The following BLM variants were observed in gnomAD, a reference collection of about 807,000 sequenced individuals.
BLM encodes the protein recQ-like DNA helicase BLM.
Under a neutral mutation model 135.3 loss-of-function variants are expected in BLM, and 95 were observed. The observed-to-expected ratio is 0.70, with a 90% CI of 0.59 to 0.83. The LOEUF is 0.83. Ranked by LOEUF, BLM falls within the 40% of genes least tolerant of loss-of-function variation. The pLI is 0.00. For synonymous variants in BLM, 520 were observed against 589.2 expected (o/e 0.88, Z 1.70); for missense variants, 1,518 against 1,663.9 (o/e 0.91, Z 1.53).
chr15:90,758,254 G>T (rs540254780), intron 5 of BLM, among the ~76,000 whole-genome samples: 1 of 152,188 alleles, frequency 6.6e-6, no homozygotes, highest in South Asian at 2.1e-4. Flanking sequence ...TTGGGAGACC[G>T]AGGTGAGTGG....
At chr15:90,735,495 G>T (rs1280908394) in intron 1 of BLM, among the ~76,000 whole-genome samples, 1 of 151,750 alleles carries the variant, frequency 6.6e-6, no homozygotes, top group Non-Finnish European at 1.5e-5. Context: ...TAGACCAATG[G>T]TATAGAATGG....
intron 1 of BLM, among the ~76,000 whole-genome samples, chr15:90,731,875 T>G (rs1450488682): frequency 2.6e-5 from 4 of 152,144 alleles, no homozygotes; most frequent in African/African-American, 9.6e-5. Flanking sequence ...AATTTTTGTA[T>G]TTTTGGTAGA....
intron 21 of BLM, among the ~76,000 whole-genome samples, chr15:90,813,869 C>G (rs1388782791): frequency 6.6e-6 from 1 of 152,186 alleles, no homozygotes; most frequent in Non-Finnish European, 1.5e-5. Flanking sequence ...ACCTCACCTC[C>G]CCACCCTACC....
intron 1 of BLM, among the ~76,000 whole-genome samples, chr15:90,720,794 G>A (rs527250996): frequency 4.6e-5 from 7 of 152,016 alleles, no homozygotes; most frequent in Non-Finnish European, 7.4e-5. Context: ...GGGTCTCGCC[G>A]TGTTGTTCAG....
intron 7 of BLM, among the ~76,000 whole-genome samples, chr15:90,761,631 A>G (rs961352080): frequency 6.6e-6 from 1 of 152,226 alleles, no homozygotes; most frequent in Admixed American, 6.5e-5. Context: ...AGAATTCTGT[A>G]CTGATGAGAA....
chr15:90,801,627 G>T (rs954135890), intron 17 of BLM, among the ~76,000 whole-genome samples: 1 of 152,160 alleles, frequency 6.6e-6, no homozygotes. Flanking sequence ...TAAATGTCAG[G>T]CTTTTGGACA....
rs756759106 is a variant in BLM at position 90,749,685 on chromosome 15, A to G, written c.417A>G (p.Leu139=). 3 of 1,614,104 alleles carry G rather than the reference A, an allele frequency of 1.9e-6. No homozygotes were observed. The highest frequency in any genetic ancestry group is 1.3e-5 in the African/African-American group (1 of 74,942). ...CCCGGGATACTGCTCTCAAGAAATT[A>G]GAATTTAGTTCTTCACCAGATTCTT... ...KKSRDTALKK[L]EFSSSPDSLS... The change falls in exon 3 of 22, where the codon TTA becomes TTG. Residue 139 remains leucine (L), a synonymous_variant. Coordinates refer to ENST00000355112, the MANE Select transcript of BLM (RefSeq NM_000057.4).
In BLM at chr15:90,749,818, C is replaced by G. The variant is rs971200482; in HGVS notation, c.550C>G (p.Gln184Glu). The G allele has an allele frequency of 1.3e-6, 2 of 1,591,306 alleles. No individual in the cohort carries two copies. Among genetic ancestry groups the G allele is most frequent in the African/African-American group, 2.7e-5 (2 of 73,304 alleles). The change falls in exon 3 of 22, where the codon CAG becomes GAG. Residue 184 changes from glutamine to glutamate, a missense_variant. Gln to Glu is a conservative substitution (Grantham distance 29, BLOSUM62 2). Around this residue, in one of 5 missense-constraint regions of BLM, gnomAD observed 724 missense variants for 756.9 expected, o/e 0.96. Coordinates refer to ENST00000355112, the MANE Select transcript of BLM (RefSeq NM_000057.4). ...TCACTTTGTAAGAGTAAGCACTGCT[C>G]AGAAATCAAAAAAGGGTAAGAGAAA... ...QSHFVRVSTA[Q>E]KSKKGKRNFF... is the part of the protein sequence containing the mutation.
chr15:90,798,372 A>G (rs1371452732), intron 17 of BLM, 35 bp downstream of exon 17: 1 of 1,599,720 alleles, frequency 6.3e-7, no homozygotes, highest in Non-Finnish European at 8.5e-7. Flanking sequence ...GAGTTACTTC[A>G]ATTGAAATTG....
intron 13 of BLM, 106 bp downstream of exon 13, chr15:90,783,034 C>T: frequency 1.1e-6 from 1 of 884,658 alleles, no homozygotes; most frequent in South Asian, 1.4e-5. Flanking sequence ...TGCATTATGA[C>T]AGCACTAACT....
At chr15:90,760,334 A>C in intron 6 of BLM, 55 bp downstream of exon 6, 1 of 1,609,312 alleles carries the variant, frequency 6.2e-7, no homozygotes, top group Admixed American at 1.7e-5. Flanking sequence ...TACCACTCTA[A>C]GTGAAAAATG....
chr15:90,806,510 C>CAA (rs3079983), intron 19 of BLM, among the ~76,000 whole-genome samples: 1,526 of 113,354 alleles, frequency 0.013, 10 homozygotes, highest in African/African-American at 0.017. Flanking sequence ...GACTCCATCT[C>CAA]AAAAAAAAAA....
chr15:90,726,153 A>T (rs781642575), intron 1 of BLM, among the ~76,000 whole-genome samples: 1 of 152,180 alleles, frequency 6.6e-6, no homozygotes, highest in Non-Finnish European at 1.5e-5. Flanking sequence ...GGAGCATTCA[A>T]TATCCTCCTT....
intron 4 of BLM, 110 bp downstream of exon 4, chr15:90,752,056 T>C: frequency 9.4e-7 from 1 of 1,059,960 alleles, no homozygotes; most frequent in Non-Finnish European, 1.3e-6. Flanking sequence ...CTTTCTACAA[T>C]TATTTTACAT....
rs2029902259 is a variant in BLM at position 90,815,815 on chromosome 15, C to T, written c.*536C>T. ...ATGCTCATGGCCCGGCACTGTGGCT[C>T]ACGCCTGGGATCCCAGCACTTTGGG... On this transcript the variant is annotated 3_prime_UTR_variant, in exon 22 of 22. Transcript: ENST00000355112. The surrounding 1 kb of genome is among the most constrained non-coding windows in gnomAD (Gnocchi z 4.6). 6.4e-6 allele frequency: 1 copy of T among 155,656 alleles called. No homozygotes were observed. The highest frequency in any genetic ancestry group is 2.4e-5 in the African/African-American group (1 of 41,468). 9.6% of individuals were successfully genotyped at this position (155,656 alleles called of 1,614,324 possible).
chr15:90,738,439 T>C (rs1895275966), intron 1 of BLM, among the ~76,000 whole-genome samples: 1 of 152,136 alleles, frequency 6.6e-6, no homozygotes, highest in South Asian at 2.1e-4. Context: ...CCAGGTGTGA[T>C]GGTACTTTGC....
Position 90,769,506 on chromosome 15 carries a change from G to A in BLM, c.2475G>A (p.Pro825=), listed in dbSNP as rs147587050. The A allele has an allele frequency of 1.9e-5, 31 of 1,613,762 alleles. No individual in the cohort carries two copies. The highest frequency in any genetic ancestry group is 5.3e-5 in the African/African-American group (4 of 74,856). ...NMLRQKFPSV[P]VMALTATANP... ...TTCGCCAGAAGTTTCCTTCTGTTCCGGTGATGGCTCTTACGGCCACAGCTA... is the reference window on the plus strand; with the variant it reads ...TTCGCCAGAAGTTTCCTTCTGTTCCAGTGATGGCTCTTACGGCCACAGCTA... Residue 825 remains proline, a synonymous_variant, in exon 12 of 22, where the codon CCG becomes CCA. Coordinates refer to ENST00000355112, the MANE Select transcript of BLM (RefSeq NM_000057.4).
intron 12 of BLM, 62 bp from the exon 13 acceptor site, chr15:90,782,760 T>C: frequency 7.6e-7 from 1 of 1,313,490 alleles, no homozygotes; most frequent in East Asian, 2.4e-5. Context: ...ATGTAGTCTA[T>C]AACAATACCT....
chr15:90,750,716 C>G (rs1295491955), intron 3 of BLM, among the ~76,000 whole-genome samples: 1 of 152,048 alleles, frequency 6.6e-6, no homozygotes, highest in Non-Finnish European at 1.5e-5. Flanking sequence ...CAAGGGAGAC[C>G]ACAGTCAAAT....
Sources: allele counts gnomAD v4.1 joint callset (sites outside exome capture counted in the v4.1 genomes callset), GRCh38; gene constraint gnomAD v4.1.1; regional missense constraint gnomAD v4.1.1; non-coding constraint Gnocchi (gnomAD v3.1); transcripts MANE v1.5; gene names NCBI Gene and HGNC (gene_info 2026-07-23, HGNC 2026-07-21).